REEP1: variants seen among roughly 807,000 people sequenced by gnomAD.
The protein encoded by REEP1 is receptor expression-enhancing protein 1.
In REEP1, 22 loss-of-function variants were observed where a neutral mutation model predicts 40.3. The ratio of observed to expected loss-of-function variants is 0.55; its 90% confidence interval spans 0.39 to 0.78. The LOEUF is 0.78. Among genes scored for constraint, REEP1 ranks in the 30% least tolerant of loss-of-function variants. The pLI is 0.00. For missense variants in REEP1, 280 were observed against 361.1 expected (o/e 0.78, Z 1.82); for synonymous variants, 116 against 139.2 (o/e 0.83, Z 1.17).
chr2:86,232,593 G>T, intron 6 of REEP1, 32 bp downstream of exon 6: 6 of 1,608,744 alleles, frequency 3.7e-6, no homozygotes, highest in Non-Finnish European at 5.1e-6. Context: ...GGCCCAAGGA[G>T]TGGGAAAGAG....
At chr2:86,311,261 C>T (rs957233654) in intron 1 of REEP1, among the ~76,000 whole-genome samples, 6 of 152,160 alleles carry the variant, frequency 3.9e-5, no homozygotes, top group African/African-American at 7.2e-5. Flanking sequence ...CAGGTTCTGC[C>T]CGCATGGTGC....
intron 1 of REEP1, among the ~76,000 whole-genome samples, chr2:86,311,745 CA>C (rs1679774728): frequency 3.3e-5 from 5 of 152,100 alleles, no homozygotes; most frequent in African/African-American, 1.2e-4. Flanking sequence ...TCTAAGGTTC[CA>C]GGTGGACATG....
intron 1 of REEP1, among the ~76,000 whole-genome samples, chr2:86,317,277 C>G (rs1218406638): frequency 6.6e-6 from 1 of 152,072 alleles, no homozygotes; most frequent in Non-Finnish European, 1.5e-5. Context: ...AAAAAAACAC[C>G]AATAAAGGAT....
intron 1 of REEP1, among the ~76,000 whole-genome samples, chr2:86,283,216 T>A (rs1396646507): frequency 6.6e-6 from 1 of 152,222 alleles, no homozygotes; most frequent in Non-Finnish European, 1.5e-5. Context: ...TGAGGGCAGA[T>A]AATGGATCTG....
At chr2:86,228,087 C>T (rs1674811212) in intron 6 of REEP1, among the ~76,000 whole-genome samples, 1 of 152,192 alleles carries the variant, frequency 6.6e-6, no homozygotes, top group Non-Finnish European at 1.5e-5. Context: ...AAACTCCAGG[C>T]AAGAGAGAGG....
At chr2:86,247,064 T>C (rs1676008409) in intron 5 of REEP1, among the ~76,000 whole-genome samples, 1 of 152,220 alleles carries the variant, frequency 6.6e-6, no homozygotes, top group Non-Finnish European at 1.5e-5. Flanking sequence ...AGCATTATTT[T>C]TTTTTTTAAG....
chr2:86,245,980 G>A (rs1229491799), intron 5 of REEP1, among the ~76,000 whole-genome samples: 3 of 152,054 alleles, frequency 2.0e-5, no homozygotes, highest in South Asian at 2.1e-4. Context: ...TAGCCAGGAT[G>A]GTCTCGATCT....
At chr2:86,250,344 G>C (rs1222008260) in intron 5 of REEP1, among the ~76,000 whole-genome samples, 1 of 152,148 alleles carries the variant, frequency 6.6e-6, no homozygotes, top group Non-Finnish European at 1.5e-5. Context: ...GAACAGATGG[G>C]GTAGAGAGAG....
At chr2:86,321,056 A>T (rs1288700795) in intron 1 of REEP1, among the ~76,000 whole-genome samples, 1 of 152,144 alleles carries the variant, frequency 6.6e-6, no homozygotes, top group Non-Finnish European at 1.5e-5. Context: ...ACCTCAGGTG[A>T]TCTGCCCACC....
intron 5 of REEP1, among the ~76,000 whole-genome samples, chr2:86,235,879 A>G (rs1675295280): frequency 6.6e-6 from 1 of 152,152 alleles, no homozygotes; most frequent in African/African-American, 2.4e-5. Flanking sequence ...GACTCCTGAA[A>G]ACAAATTAGC....
chr2:86,275,654 A>T (rs538733154), intron 2 of REEP1, among the ~76,000 whole-genome samples: 1 of 152,214 alleles, frequency 6.6e-6, no homozygotes, highest in Admixed American at 6.5e-5. Context: ...TCTCACAGAA[A>T]CCACAATGAA....
chr2:86,270,396 A>G (rs771307183), intron 2 of REEP1, among the ~76,000 whole-genome samples: 7 of 152,168 alleles, frequency 4.6e-5, no homozygotes, highest in Non-Finnish European at 7.3e-5. Flanking sequence ...GGGTTTCTCC[A>G]TGTTGGTCAG....
At chr2:86,275,553 A>G (rs993757623) in intron 2 of REEP1, among the ~76,000 whole-genome samples, 4 of 152,178 alleles carry the variant, frequency 2.6e-5, no homozygotes, top group Non-Finnish European at 5.9e-5. Flanking sequence ...CAGGTCCCAG[A>G]CAACTAGAGG....
intron 1 of REEP1, among the ~76,000 whole-genome samples, chr2:86,329,155 C>G (rs1331403949): frequency 1.3e-5 from 2 of 152,200 alleles, no homozygotes; most frequent in Non-Finnish European, 1.5e-5. Flanking sequence ...CCAAACTCCT[C>G]TCAACGTTCA....
intron 5 of REEP1, among the ~76,000 whole-genome samples, chr2:86,245,468 G>A (rs551346575): frequency 6.6e-6 from 1 of 152,296 alleles, no homozygotes; most frequent in East Asian, 1.9e-4. Context: ...TTAAAGATAT[G>A]CTGTTTGAGC....
At chr2:86,234,063 A>T (rs901212206) in intron 5 of REEP1, among the ~76,000 whole-genome samples, 20 of 152,096 alleles carry the variant, frequency 1.3e-4, no homozygotes, top group African/African-American at 4.8e-4. Flanking sequence ...GGTTTGGAAG[A>T]TTTTTTTCAT....
chr2:86,216,479 G>A lies in REEP1; in HGVS notation c.*560C>T, dbSNP rs938237758. 5.2e-5 allele frequency: 8 copies of A among 153,054 alleles called. No homozygotes were observed. The highest frequency in any genetic ancestry group is 3.2e-4 in the Admixed American group (5 of 15,410). The allele number at this position is 153,054 out of a possible 1,614,324, so 9.5% of individuals were successfully genotyped here. A position where few individuals can be genotyped will look rare whatever the true frequency, so the allele number is the denominator to read the frequency against. ...GAAGCTTTATAAGCACATCTGAGAC[G>A]TTCTCTAGAATCAAAATATTTGTCT... On this transcript the variant is annotated 3_prime_UTR_variant, in exon 9 of 9. Transcript: ENST00000538924.
chr2:86,250,273 T>C (rs2104210924), intron 5 of REEP1, among the ~76,000 whole-genome samples: 1 of 152,304 alleles, frequency 6.6e-6, no homozygotes, highest in South Asian at 2.1e-4. Context: ...ATAGCACGTT[T>C]ATACTCCAGG....
intron 5 of REEP1, among the ~76,000 whole-genome samples, chr2:86,247,555 CTTTTGT>C (rs71377066): frequency 0.36 from 54,525 of 151,190 alleles, 11,778 homozygotes; most frequent in East Asian, 0.58. Context: ...TAAGAACTTC[CTTTTGT>C]TGTTGTTGTT....
Sources: gnomAD v4.1 joint callset for allele counts (sites outside exome capture counted in the v4.1 genomes callset) on GRCh38, gnomAD v4.1.1 for gene constraint, MANE v1.5 for transcripts, NCBI Gene and HGNC (gene_info 2026-07-23, HGNC 2026-07-21) for gene names.